Variants in CFDP1 observed in about 807,000 individuals in gnomAD.
The protein encoded by CFDP1 is heterochromatin-stabilizing protein CFDP1.
Under a neutral mutation model 40.1 loss-of-function variants are expected in CFDP1, and 31 were observed. That is an observed-to-expected ratio of 0.77 (90% CI 0.58 to 1.04). CFDP1 has a LOEUF of 1.04. Among genes scored for constraint, CFDP1 ranks in the 50% least tolerant of loss-of-function variants. CFDP1 has a pLI of 0.00. For synonymous variants in CFDP1, 167 were observed against 120.0 expected (o/e 1.39, Z -2.56); for missense variants, 423 against 343.4 (o/e 1.23, Z -1.83).
intron 1 of CFDP1, among the ~76,000 whole-genome samples, chr16:75,424,715 C>G (rs569269725): frequency 3.6e-4 from 53 of 148,314 alleles, no homozygotes; most frequent in African/African-American, 1.1e-3. Flanking sequence ...GATCGTGCCA[C>G]TGCACACTCC....
Position 75,430,667 on chromosome 16 carries a change from T to C in CFDP1, c.64+2622A>G, listed in dbSNP as rs148323900. Among the ~76,000 whole-genome samples the C allele has an allele frequency of 2.6e-5, 4 of 152,274 alleles. No individual in the cohort carries two copies. In the East Asian group the frequency reaches 7.7e-4, roughly 29 times the overall value. ...TCAGTAGAGATGGGGTTACACCACG[T>C]TGGCCAGGCTGGTCTTGAACTCCTG... On this transcript the variant is annotated intron_variant, in intron 1 of 6. Transcript: ENST00000283882.
At chr16:75,390,691 G>A (rs2078940941) in intron 5 of CFDP1, among the ~76,000 whole-genome samples, 1 of 152,224 alleles carries the variant, frequency 6.6e-6, no homozygotes, top group Non-Finnish European at 1.5e-5. Context: ...AGGCTGCAGA[G>A]AGAGAAGAAA....
At chr16:75,379,738 G>A (rs1567663405) in intron 5 of CFDP1, 1 of 152,146 alleles carries the variant, frequency 6.6e-6, no homozygotes, top group Non-Finnish European at 1.5e-5. Flanking sequence ...TGGTACCATA[G>A]GGGGAAACTG....
intron 5 of CFDP1, among the ~76,000 whole-genome samples, chr16:75,357,934 T>C (rs1229814034): frequency 1.3e-5 from 2 of 152,232 alleles, no homozygotes; most frequent in Non-Finnish European, 2.9e-5. Context: ...TAGCTTTTGA[T>C]TTAAAGTGAG....
chr16:75,421,353 A>C (rs1171104206), intron 1 of CFDP1, among the ~76,000 whole-genome samples: 1 of 152,208 alleles, frequency 6.6e-6, no homozygotes, highest in Non-Finnish European at 1.5e-5. Flanking sequence ...ATCTTTAGCT[A>C]AACTATGGAA....
rs2151500317 is a variant in CFDP1, at chr16:75,304,942, C to T, written c.809+82G>A. 6 of 1,406,408 alleles carry T rather than the reference C, an allele frequency of 4.3e-6. No individual in the cohort carries two copies. The East Asian group carries it at 1.1e-4, about 27-fold the overall frequency. 87.1% of individuals were successfully genotyped at this position (1,406,408 alleles called of 1,614,324 possible). On this transcript the variant is annotated intron_variant, in intron 6 of 6. Transcript: ENST00000283882. ...ATCATGAAAAGCTCCTGCTTGCTTA[C>T]AGTGGGCAGTTTGTCTCCAATAAAT...
At chr16:75,340,478 TAAACTC>T (rs1330419737) in intron 5 of CFDP1, among the ~76,000 whole-genome samples, 1 of 152,222 alleles carries the variant, frequency 6.6e-6, no homozygotes, top group Admixed American at 6.5e-5. Context: ...AATATTTACA[TAAACTC>T]AAACCACTTA....
chr16:75,420,264 T>C (rs1209581188), intron 1 of CFDP1, among the ~76,000 whole-genome samples: 6 of 152,188 alleles, frequency 3.9e-5, no homozygotes, highest in African/African-American at 1.4e-4. Flanking sequence ...CCTGATTTAA[T>C]AGTCACCACT....
chr16:75,315,359 A>AG (rs2078317752), intron 5 of CFDP1, among the ~76,000 whole-genome samples: 1 of 145,564 alleles, frequency 6.9e-6, no homozygotes, highest in Admixed American at 6.8e-5. Context: ...AAAAAAAAAA[A>AG]AGAGAAGGGT....
At position 75,414,629 on chromosome 16, in the gene CFDP1, T is replaced by C. The variant is rs2079188909; in HGVS notation, c.131A>G (p.Gln44Arg). The change falls in exon 2 of 7, where the codon CAG becomes CGG. Residue 44 changes from glutamine (Q) to arginine (R), a missense_variant. Coordinates refer to ENST00000283882, the MANE Select transcript of CFDP1 (RefSeq NM_006324.3). ...VKEDEVDGEE[Q>R]TQKTQGKKRK... ...TTTTTTCCCTTGGGTTTTCTGTGTC[T>C]GCTCTTCACCATCCACTTCATCTTC... 1 of 1,614,044 alleles carries C rather than the reference T, an allele frequency of 6.2e-7. No homozygotes were observed. Among genetic ancestry groups the C allele is most frequent in the East Asian group, 2.2e-5 (1 of 44,868 alleles).
At chr16:75,370,600 C>T (rs546897834) in intron 5 of CFDP1, among the ~76,000 whole-genome samples, 35 of 152,118 alleles carry the variant, frequency 2.3e-4, no homozygotes, top group Middle Eastern at 6.8e-3. Context: ...CAGTAGCTGA[C>T]GCCTGTAATC....
At chr16:75,321,615 A>G (rs1349922493) in intron 5 of CFDP1, among the ~76,000 whole-genome samples, 1 of 152,252 alleles carries the variant, frequency 6.6e-6, no homozygotes, top group East Asian at 1.9e-4. Context: ...GCCTCTAGTG[A>G]TAAGCGGAAA....
At chr16:75,294,893 C>G (rs922287618) in intron 6 of CFDP1, among the ~76,000 whole-genome samples, 21 of 152,154 alleles carry the variant, frequency 1.4e-4, no homozygotes, top group Non-Finnish European at 5.9e-5. Context: ...GAAGCACAGG[C>G]GCGCTTGCTA....
At chr16:75,365,769 T>C (rs190958968) in intron 5 of CFDP1, among the ~76,000 whole-genome samples, 124 of 152,218 alleles carry the variant, frequency 8.1e-4, no homozygotes, top group African/African-American at 2.7e-3. Flanking sequence ...AGAGAAGATA[T>C]ACAAATAGCC....
In CFDP1 at chr16:75,384,852, C is replaced by CAATATATATATATA. The variant is rs1555561750; in HGVS notation, c.650+10237_650+10238insTATATATATATATT. Among the ~76,000 whole-genome samples the CAATATATATATATA allele has an allele frequency of 3.9e-4, 47 of 119,988 alleles. 4 individuals are homozygous for CAATATATATATATA. The highest frequency in any genetic ancestry group is 1.0e-3 in the South Asian group (4 of 3,892). The allele number at this position is 119,988 out of a possible 152,430, so 78.7% of individuals were successfully genotyped here. A position where few individuals can be genotyped will look rare whatever the true frequency, so the allele number is the denominator to read the frequency against. On this transcript the variant is annotated intron_variant, in intron 5 of 6. Transcript: ENST00000283882. ...TACAAGTTGCAAGAAGAAACTAAAA[C>CAATATATATATATA]TATATATATATATATATATATATAT...
At chr16:75,426,279 G>A (rs577325338) in intron 1 of CFDP1, among the ~76,000 whole-genome samples, 4 of 152,028 alleles carry the variant, frequency 2.6e-5, no homozygotes, top group South Asian at 4.1e-4. Flanking sequence ...GAACTCAGGA[G>A]GCGGAGGTTG....
intron 2 of CFDP1, among the ~76,000 whole-genome samples, chr16:75,413,105 T>C (rs1050022942): frequency 1.3e-5 from 2 of 152,322 alleles, no homozygotes; most frequent in Non-Finnish European, 1.5e-5. Context: ...GAACATATTA[T>C]ATGTGCCAGA....
At chr16:75,413,325 C>G (rs1049972351) in intron 2 of CFDP1, among the ~76,000 whole-genome samples, 1 of 152,096 alleles carries the variant, frequency 6.6e-6, no homozygotes, top group Non-Finnish European at 1.5e-5. Context: ...TCCCAGCACT[C>G]TGGGAGGCCA....
intron 5 of CFDP1, among the ~76,000 whole-genome samples, chr16:75,310,263 C>A (rs1401014720): frequency 6.6e-6 from 1 of 152,198 alleles, no homozygotes; most frequent in Non-Finnish European, 1.5e-5. Context: ...GCAGCTCATA[C>A]TGGTGAAAGA....
Sources: gnomAD v4.1 joint callset for allele counts (sites outside exome capture counted in the v4.1 genomes callset) on GRCh38, gnomAD v4.1.1 for gene constraint, MANE v1.5 for transcripts, NCBI Gene and HGNC (gene_info 2026-07-23, HGNC 2026-07-21) for gene names.